The following TENM2 variants were observed in gnomAD, a reference collection of about 807,000 sequenced individuals.
The protein encoded by TENM2 is teneurin-2.
TENM2 carries 52 observed loss-of-function variants against 245.2 expected under a neutral mutation model. The observed-to-expected ratio is 0.21, with a 90% confidence interval of 0.17 to 0.27. The LOEUF (loss-of-function observed/expected upper bound fraction) is 0.27. TENM2 is among the 10% of genes least tolerant of loss of function. TENM2 has a pLI of 1.00. For synonymous variants in TENM2, 1,363 were observed against 1,438.9 expected, an observed-to-expected ratio of 0.95 and a Z score of 1.19; for missense variants, 3,046 against 3,666.8, an observed-to-expected ratio of 0.83 and a Z score of 4.37.
chr5:167,012,454 C>G, the TENM2 span, among the ~76,000 whole-genome samples: 627 of 152,244 alleles, frequency 4.1e-3, 7 homozygotes, highest in African/African-American at 0.014. Flanking sequence ...AACTAGGCTA[C>G]AAGAGATAAG....
chr5:167,337,165 A>G (rs558349228), intron 1 of TENM2, among the ~76,000 whole-genome samples: 1 of 150,962 alleles, frequency 6.6e-6, no homozygotes, highest in South Asian at 2.1e-4. Context: ...CAAAAATCTG[A>G]AACTCTTCTG....
chr5:167,788,425 C>T (rs1411005246), intron 2 of TENM2, among the ~76,000 whole-genome samples: 1 of 152,174 alleles, frequency 6.6e-6, no homozygotes, highest in Non-Finnish European at 1.5e-5. Context: ...GAAAACATTT[C>T]TTCAATTAAA....
At chr5:168,070,187 C>T (rs1459925006) in intron 7 of TENM2, among the ~76,000 whole-genome samples, 3 of 152,136 alleles carry the variant, frequency 2.0e-5, no homozygotes, top group Non-Finnish European at 4.4e-5. Context: ...GCTGATAGAA[C>T]GAAATGTGTG....
At chr5:167,978,394 A>G (rs549563301) in intron 4 of TENM2, among the ~76,000 whole-genome samples, 2 of 152,354 alleles carry the variant, frequency 1.3e-5, no homozygotes, top group East Asian at 3.9e-4. Context: ...ATGAATGAAT[A>G]AAGAAAAAGT....
rs1438144479 is a variant in TENM2 at position 167,722,125 on chromosome 5, G to A, written c.503-153861G>A. 2.0e-5 allele frequency among the ~76,000 whole-genome samples: 3 copies of A among 152,128 alleles called. No homozygotes were observed. The East Asian group carries it at 5.8e-4, about 29-fold the overall frequency. Reference sequence around the variant, plus strand: ...TATAAATCCCCATGTGTCACCCAAAGCCTGCATGGCTCACTTAGAGAAGCT... The same window carrying A: ...TATAAATCCCCATGTGTCACCCAAAACCTGCATGGCTCACTTAGAGAAGCT... On this transcript the variant is annotated intron_variant, in intron 2 of 28. Coordinates refer to ENST00000518659, the Ensembl canonical transcript of TENM2.
At chr5:168,106,597 C>G (rs1457286919) in intron 9 of TENM2, among the ~76,000 whole-genome samples, 1 of 152,214 alleles carries the variant, frequency 6.6e-6, no homozygotes, top group Non-Finnish European at 1.5e-5. Context: ...ACTTTCAACA[C>G]TAGACTAGCC....
chr5:167,542,659 A>T (rs1199953997), intron 2 of TENM2, among the ~76,000 whole-genome samples: 1 of 152,206 alleles, frequency 6.6e-6, no homozygotes, highest in African/African-American at 2.4e-5. Flanking sequence ...ACATAAAGGC[A>T]TCTCTCATGA....
At chr5:168,118,308 G>T in exon 10 of TENM2, 1 of 1,599,066 alleles carries the variant, frequency 6.3e-7, no homozygotes, top group South Asian at 1.1e-5. Flanking sequence ...GCCCTGTCCT[G>T]TGCAGTGGGA....
chr5:167,678,444 G>A (rs1350998475), intron 2 of TENM2, among the ~76,000 whole-genome samples: 1 of 152,090 alleles, frequency 6.6e-6, no homozygotes, highest in Non-Finnish European at 1.5e-5. Context: ...GGTAAAAATA[G>A]CTAATAAGCA....
chr5:167,010,776 T>C, the TENM2 span, among the ~76,000 whole-genome samples: 1 of 152,220 alleles, frequency 6.6e-6, no homozygotes, highest in Admixed American at 6.5e-5. Context: ...GCACAAATTC[T>C]ATGAACCTAG....
At chr5:168,046,120 A>G (rs747725453) in intron 5 of TENM2, among the ~76,000 whole-genome samples, 1 of 152,236 alleles carries the variant, frequency 6.6e-6, no homozygotes, top group Non-Finnish European at 1.5e-5. Flanking sequence ...ATCTGTGGCC[A>G]TCAATCTGAG....
intron 13 of TENM2, among the ~76,000 whole-genome samples, chr5:168,177,528 A>G (rs750345265): frequency 1.3e-5 from 2 of 152,198 alleles, no homozygotes; most frequent in Non-Finnish European, 2.9e-5. Context: ...TATCTACACC[A>G]TAGAGTAGAT....
upstream of TENM2, among the ~76,000 whole-genome samples, chr5:167,281,394 C>T (rs964518861): frequency 5.3e-5 from 8 of 151,644 alleles, no homozygotes; most frequent in Admixed American, 1.3e-4. Context: ...GGATTATAGA[C>T]GTGAGCCACC....
chr5:167,444,698 G>A (rs1561961039), intron 2 of TENM2, among the ~76,000 whole-genome samples: 1 of 152,110 alleles, frequency 6.6e-6, no homozygotes, highest in African/African-American at 2.4e-5. Flanking sequence ...AAGAGTTTAT[G>A]CTGAACCAGG....
chr5:168,110,690 C>T (rs922455798), intron 9 of TENM2, among the ~76,000 whole-genome samples: 5 of 152,112 alleles, frequency 3.3e-5, no homozygotes, highest in African/African-American at 1.2e-4. Context: ...ACAACAAAAG[C>T]GTAAACCTCC....
chr5:167,116,931 A>G, the TENM2 span, among the ~76,000 whole-genome samples: 1 of 152,216 alleles, frequency 6.6e-6, no homozygotes, highest in East Asian at 1.9e-4. Flanking sequence ...GTTTTATTTG[A>G]TAACTATTGT....
chr5:167,827,573 C>G (rs1043556984), intron 2 of TENM2, among the ~76,000 whole-genome samples: 12 of 118,868 alleles, frequency 1.0e-4, no homozygotes, highest in Non-Finnish European at 1.7e-4. Flanking sequence ...CTGAAGGAAC[C>G]AAAGTCATTA....
chr5:167,610,642 A>G (rs1386419922), intron 2 of TENM2, among the ~76,000 whole-genome samples: 1 of 152,192 alleles, frequency 6.6e-6, no homozygotes, highest in Non-Finnish European at 1.5e-5. Flanking sequence ...GTACTATAAT[A>G]AGCTAGAGTG....
intron 2 of TENM2, among the ~76,000 whole-genome samples, chr5:167,486,588 A>G (rs1768089718): frequency 6.6e-6 from 1 of 152,074 alleles, no homozygotes; most frequent in Non-Finnish European, 1.5e-5. Flanking sequence ...TCTGCCTCCC[A>G]AAGTGCTGGG....
Sources: allele counts gnomAD v4.1 joint callset (sites outside exome capture counted in the v4.1 genomes callset), GRCh38; gene constraint gnomAD v4.1.1; transcripts MANE v1.5; gene names NCBI Gene and HGNC (gene_info 2026-07-23, HGNC 2026-07-21).